The following ZFYVE16 variants were observed in gnomAD, a reference collection of about 807,000 sequenced individuals.
ZFYVE16 encodes zinc finger FYVE domain-containing protein 16.
In ZFYVE16, 89 loss-of-function variants were observed where a neutral mutation model predicts 138.1. The observed-to-expected ratio is 0.64, with a 90% CI of 0.54 to 0.77. The LOEUF (loss-of-function observed/expected upper bound fraction) is 0.77, where lower values mean the gene tolerates loss of function less well. Among genes scored for constraint, ZFYVE16 ranks in the 30% least tolerant of loss-of-function variants. The pLI is 0.00. For synonymous variants in ZFYVE16, 596 were observed against 618.3 expected, an observed-to-expected ratio of 0.96 and a Z score of 0.53; for missense variants, 1,793 against 1,786.7, an observed-to-expected ratio of 1.00 and a Z score of -0.06.
intron 15 of ZFYVE16, among the ~76,000 whole-genome samples, chr5:80,470,747 GAT>G (rs1333881852): frequency 6.6e-6 from 1 of 152,060 alleles, no homozygotes; most frequent in Non-Finnish European, 1.5e-5. Context: ...CTGGCCTTAA[GAT>G]ATCCTCCCTC....
chr5:80,455,451 T>C (rs1752425145), intron 11 of ZFYVE16: 1 of 408,408 alleles, frequency 2.4e-6, no homozygotes, highest in Non-Finnish European at 4.4e-6. Flanking sequence ...GGAGAATTAC[T>C]TGAACCCAGG....
In ZFYVE16 at chr5:80,449,593, C is replaced by A; in HGVS notation, c.3106C>A (p.Pro1036Thr). The change falls in exon 9 of 19, where the codon CCT becomes ACT. Residue 1036 changes from proline to threonine, a missense_variant and splice_region_variant. Physicochemically the swap from Pro to Thr is conservative, Grantham distance 38 (BLOSUM62 -1). Transcript: ENST00000505560. Reference sequence around the variant, plus strand: ...AATATATTACTTTCATCATTTAGTGCCTGTAGTAGAAGAACATCCATCTCA... The same window carrying A: ...AATATATTACTTTCATCATTTAGTGACTGTAGTAGAAGAACATCCATCTCA... ...LVASGEKGSV[P>T]VVEEHPSHEQ... The A allele has an allele frequency of 6.2e-7, 1 of 1,604,406 alleles. No individual in the cohort carries two copies. Among genetic ancestry groups the A allele is most frequent in the Non-Finnish European group, 8.5e-7 (1 of 1,176,656 alleles).
At chr5:80,475,942 C>T (rs1368701947) in intron 18 of ZFYVE16, among the ~76,000 whole-genome samples, 1 of 152,052 alleles carries the variant, frequency 6.6e-6, no homozygotes, top group Non-Finnish European at 1.5e-5. Context: ...TGTGAGAGCT[C>T]TTTCCCTCAC....
At chr5:80,447,003 T>C (rs1751428985) in intron 7 of ZFYVE16, among the ~76,000 whole-genome samples, 2 of 152,176 alleles carry the variant, frequency 1.3e-5, no homozygotes, top group African/African-American at 4.8e-5. Context: ...GGCTCATGCC[T>C]GTAATCCCAG....
intron 1 of ZFYVE16, among the ~76,000 whole-genome samples, chr5:80,409,187 G>A (rs1271475109): frequency 1.3e-5 from 2 of 151,858 alleles, no homozygotes; most frequent in African/African-American, 4.8e-5. Flanking sequence ...TCGTTGGATT[G>A]TCTGCTTTCC....
intron 1 of ZFYVE16, among the ~76,000 whole-genome samples, chr5:80,416,395 A>G (rs1746252795): frequency 6.6e-6 from 1 of 151,322 alleles, no homozygotes; most frequent in African/African-American, 2.4e-5. Flanking sequence ...AGCTGGGATT[A>G]TAGGCACGCA....
At chr5:80,417,079 C>T (rs958749107) in intron 1 of ZFYVE16, among the ~76,000 whole-genome samples, 8 of 152,198 alleles carry the variant, frequency 5.3e-5, no homozygotes, top group African/African-American at 1.9e-4. Flanking sequence ...CCTCCTTCAA[C>T]AGGGAGAAAC....
At position 80,440,052 on chromosome 5, in the gene ZFYVE16, A is replaced by G. The variant is rs1187170285; in HGVS notation, c.2419+20A>G. The G allele has an allele frequency of 3.2e-6, 5 of 1,570,296 alleles. No homozygotes were observed. Among genetic ancestry groups the G allele is most frequent in the East Asian group, 2.3e-5 (1 of 43,558 alleles). On this transcript the variant is annotated intron_variant, in intron 5 of 18. Coordinates refer to ENST00000505560, the MANE Select transcript of ZFYVE16 (RefSeq NM_001284236.3). ...GTAAAGGTGAGTATTAACTTGATAT[A>G]TTTTCTTCCAGTAATTGAATATATC...
At position 80,482,121 on chromosome 5, in the gene ZFYVE16, G is replaced by A. The variant is rs191669245; in HGVS notation, c.*4744G>A. Among the ~76,000 whole-genome samples the A allele has an allele frequency of 9.9e-5, 15 of 152,270 alleles. No homozygotes were observed. Among genetic ancestry groups the A allele is most frequent in the African/African-American group, 2.9e-4 (12 of 41,558 alleles). On this transcript the variant is annotated 3_prime_UTR_variant, in exon 19 of 19. Transcript: ENST00000505560. ...CAGGCATAAGCCAGCACACCTGGCCGTTAAACTAGTTATTTTAATCATGCT... is the reference window on the plus strand; with the variant it reads ...CAGGCATAAGCCAGCACACCTGGCCATTAAACTAGTTATTTTAATCATGCT...
intron 2 of ZFYVE16, among the ~76,000 whole-genome samples, chr5:80,428,563 A>G (rs1748493535): frequency 6.6e-6 from 1 of 152,228 alleles, no homozygotes; most frequent in Non-Finnish European, 1.5e-5. Flanking sequence ...CCTCCCCCAA[A>G]GGAACGCAGT....
chr5:80,465,400 G>GTTTTTTTTTTTGTTTTTTT (rs1753602401), intron 15 of ZFYVE16, among the ~76,000 whole-genome samples: 1 of 26,780 alleles, frequency 3.7e-5, no homozygotes, highest in Non-Finnish European at 7.4e-5. Context: ...CCTTTTCTTT[G>GTTTTTTTTTTTGTTTTTTT]TTTTTTTTTT....
At chr5:80,440,158 G>A (rs1014840343) in intron 5 of ZFYVE16, 126 bp downstream of exon 5, 2 of 1,319,750 alleles carry the variant, frequency 1.5e-6, no homozygotes, top group African/African-American at 3.0e-5. Flanking sequence ...ATCTGGCTTA[G>A]GTGGGACATC....
At chr5:80,426,754 A>G (rs1234818857) in intron 1 of ZFYVE16, among the ~76,000 whole-genome samples, 2 of 152,166 alleles carry the variant, frequency 1.3e-5, no homozygotes, top group African/African-American at 4.8e-5. Flanking sequence ...ATACACATGC[A>G]TGTATCTTTA....
intron 2 of ZFYVE16, among the ~76,000 whole-genome samples, chr5:80,428,976 C>CT (rs2112290812): frequency 6.6e-6 from 1 of 152,314 alleles, no homozygotes; most frequent in African/African-American, 2.4e-5. Flanking sequence ...AAATCTACGT[C>CT]TAATTGGTGT....
At position 80,482,665 on chromosome 5, in the gene ZFYVE16, G is replaced by C. The variant is rs1271686060; in HGVS notation, c.*5288G>C. On this transcript the variant is annotated 3_prime_UTR_variant, in exon 19 of 19. Transcript: ENST00000505560. The stretch of plus-strand genomic sequence containing the variant: ...AAACCAACTGTAAAGAAAATACTTT[G>C]AAAACAACTGGAAGAAAACAACACT... The C allele has an allele frequency of 6.6e-6, 1 of 152,084 alleles. No individual in the cohort carries two copies. Among genetic ancestry groups the C allele is most frequent in the Non-Finnish European group, 1.5e-5 (1 of 68,006 alleles). 9.4% of individuals were successfully genotyped at this position (152,084 alleles called of 1,614,324 possible).
intron 3 of ZFYVE16, chr5:80,435,814 A>T: frequency 2.8e-6 from 1 of 357,280 alleles, no homozygotes; most frequent in South Asian, 2.0e-5. Flanking sequence ...ATCTCAAGTT[A>T]TCCTCCGACC....
At chr5:80,439,210 G>A (rs983256968) in intron 4 of ZFYVE16, among the ~76,000 whole-genome samples, 2 of 152,066 alleles carry the variant, frequency 1.3e-5, no homozygotes, top group African/African-American at 4.8e-5. Context: ...ACATTGTCAG[G>A]GGCATTAAGT....
intron 14 of ZFYVE16, among the ~76,000 whole-genome samples, chr5:80,458,442 CTCTT>C (rs1278325040): frequency 6.6e-6 from 1 of 152,094 alleles, no homozygotes; most frequent in African/African-American, 2.4e-5. Context: ...ACATATCTAC[CTCTT>C]TCTTCCACTT....
At position 80,437,528 on chromosome 5, in the gene ZFYVE16, A is replaced by G. The variant is rs771807893; in HGVS notation, c.843A>G (p.Glu281=). 2 of 1,613,992 alleles carry G rather than the reference A, an allele frequency of 1.2e-6. No homozygotes were observed. The highest frequency in any genetic ancestry group is 8.5e-7 in the Non-Finnish European group (1 of 1,179,962). Residue 281 remains glutamate, a synonymous_variant, in exon 4 of 19, where the codon GAA becomes GAG. Coordinates refer to ENST00000505560, the MANE Select transcript of ZFYVE16 (RefSeq NM_001284236.3). ...AAGATGTTGGCTTAGTAAAAGAGGA[A>G]GTAGATGTGGCAGTCATAACTGCCG... ...LLKDVGLVKE[E]VDVAVITAAE... is the part of the protein sequence containing the mutation.
Sources: allele counts gnomAD v4.1 joint callset (sites outside exome capture counted in the v4.1 genomes callset), GRCh38; gene constraint gnomAD v4.1.1; transcripts MANE v1.5; gene names NCBI Gene and HGNC (gene_info 2026-07-23, HGNC 2026-07-21).